The following HELZ variants were observed in gnomAD, a reference collection of about 807,000 sequenced individuals.
The protein encoded by HELZ is ATP-dependent RNA helicase with zinc finger domain.
HELZ carries 23 observed loss-of-function variants against 218.2 expected under a neutral mutation model. The ratio of observed to expected loss-of-function variants is 0.11; its 90% confidence interval spans 0.08 to 0.15. The LOEUF is 0.15. Ranked by LOEUF, HELZ falls within the 10% of genes least tolerant of loss-of-function variation. HELZ has a pLI of 1.00. For missense variants in HELZ, 1,813 were observed against 2,353.7 expected, an observed-to-expected ratio of 0.77 and a Z score of 4.75; for synonymous variants, 814 against 829.4, an observed-to-expected ratio of 0.98 and a Z score of 0.32.
In HELZ at chr17:67,076,510, C is replaced by T. The variant is rs541263371; in HGVS notation, c.*1742G>A. The T allele has an allele frequency of 6.6e-6, 1 of 152,384 alleles. No homozygotes were observed. Among genetic ancestry groups the T allele is most frequent in the South Asian group, 2.1e-4 (1 of 4,832 alleles). The allele number at this position is 152,384 out of a possible 1,614,324, so 9.4% of individuals were successfully genotyped here. A position where few individuals can be genotyped will look rare whatever the true frequency, so the allele number is the denominator to read the frequency against. ...TTACACAGAGACCCACAGCCTGGAA[C>T]GCAAAGCCACACACAAATGAACCGC... On this transcript the variant is annotated 3_prime_UTR_variant, in exon 33 of 33. Transcript: ENST00000358691.
chr17:67,177,885 CTAA>C (rs1254479766), intron 13 of HELZ, among the ~76,000 whole-genome samples: 4 of 152,002 alleles, frequency 2.6e-5, no homozygotes, highest in African/African-American at 9.7e-5. Context: ...ATTAATAATA[CTAA>C]TGATAAGGAA....
At position 67,188,260 on chromosome 17, in the gene HELZ, A is replaced by G. The variant is rs551456961; in HGVS notation, c.1162+59T>C. The G allele has an allele frequency of 2.2e-5, 33 of 1,472,652 alleles. No individual in the cohort carries two copies. In the East Asian group the frequency reaches 4.1e-4, roughly 18 times the overall value. 91.2% of individuals were successfully genotyped at this position (1,472,652 alleles called of 1,614,324 possible). On this transcript the variant is annotated intron_variant, in intron 12 of 32. Transcript: ENST00000358691. This position sits in a 1 kb window ranked among gnomAD's most constrained non-coding sequence, Gnocchi z 4.1. ...ATGGAATATATTCAGGGGCCAATAC[A>G]TATCTTTGAATGTTGCTTTTTAACA...
chr17:67,098,700 C>T (rs1354054019), intron 31 of HELZ, among the ~76,000 whole-genome samples: 2 of 152,226 alleles, frequency 1.3e-5, no homozygotes, highest in South Asian at 2.1e-4. Flanking sequence ...GCCGAGACTG[C>T]ACCACTGCAC....
At chr17:67,238,685 T>TTAA (rs2041249158) in intron 3 of HELZ, among the ~76,000 whole-genome samples, 1 of 152,192 alleles carries the variant, frequency 6.6e-6, no homozygotes, top group South Asian at 2.1e-4. Context: ...AAACTCCGTC[T>TTAA]CAAAAAAATA....
chr17:67,124,048 A>G (rs765200690), intron 24 of HELZ, 34 bp from the exon 25 acceptor site: 2 of 1,362,170 alleles, frequency 1.5e-6, no homozygotes, highest in Admixed American at 1.7e-5. Context: ...TAATAATTTA[A>G]GCATGTTTAG....
In HELZ at chr17:67,167,730, T is replaced by G; in HGVS notation, c.1497A>C (p.Ala499=). 1.2e-6 allele frequency: 2 copies of G among 1,614,172 alleles called. No individual in the cohort carries two copies. The highest frequency in any genetic ancestry group is 1.7e-6 in the Non-Finnish European group (2 of 1,180,016). The change falls in exon 14 of 33, where the codon GCA becomes GCC. Residue 499 remains alanine (A), a synonymous_variant. Transcript: ENST00000358691. ...AAAGTTGTCCATTCTGAGCATACTT[T>G]GCACCTCCAGAAACACCAGTGAGCA... ...SFMLTGVSGG[A]KYAQNGQLFG...
intron 13 of HELZ, among the ~76,000 whole-genome samples, chr17:67,173,876 T>C (rs529039206): frequency 1.3e-5 from 2 of 152,330 alleles, no homozygotes; most frequent in Admixed American, 1.3e-4. Flanking sequence ...ACTAGGCCTG[T>C]CATGCCAGCT....
intron 25 of HELZ, 101 bp from the exon 26 acceptor site, chr17:67,123,261 G>T: frequency 3.1e-6 from 2 of 654,186 alleles, no homozygotes; most frequent in Non-Finnish European, 4.7e-6. Context: ...TCCCAGGTTT[G>T]CCTAAGATAT....
At chr17:67,189,984 G>C (rs2039851997) in intron 10 of HELZ, among the ~76,000 whole-genome samples, 173 bp downstream of exon 10, 1 of 152,142 alleles carries the variant, frequency 6.6e-6, no homozygotes, top group African/African-American at 2.4e-5. Flanking sequence ...GTTTAGTTCT[G>C]CTCTTCATTT....
chr17:67,237,948 A>C (rs554829332), intron 3 of HELZ, among the ~76,000 whole-genome samples: 10 of 150,006 alleles, frequency 6.7e-5, no homozygotes, highest in Admixed American at 5.4e-4. Flanking sequence ...AGATCGCCCC[A>C]TTGCACTCCA....
At chr17:67,147,109 C>T (rs754820975) in intron 20 of HELZ, among the ~76,000 whole-genome samples, 4 of 152,120 alleles carry the variant, frequency 2.6e-5, no homozygotes, top group East Asian at 1.9e-4. Context: ...TAGCCAAAGA[C>T]ATAAGCAAAC....
At position 67,189,847 on chromosome 17, in the gene HELZ, C is replaced by CA. The variant is rs1300739069; in HGVS notation, c.757-152dup. ...ATACCTTCATTTTCAGTAATTTTGA[C>CA]AAGAACAAAATATAGTAAAGCTAAA... On this transcript the variant is annotated intron_variant, in intron 10 of 32. Transcript: ENST00000358691. The CA allele has an allele frequency of 3.1e-5, 19 of 622,354 alleles. No individual in the cohort carries two copies. In the East Asian group the frequency reaches 4.9e-4, roughly 16 times the overall value. The allele number at this position is 622,354 out of a possible 1,614,324, so 38.6% of individuals were successfully genotyped here.
At chr17:67,121,830 T>C (rs968218145) in intron 26 of HELZ, among the ~76,000 whole-genome samples, 3 of 152,236 alleles carry the variant, frequency 2.0e-5, no homozygotes, top group Non-Finnish European at 2.9e-5. Flanking sequence ...TTTCACAAGA[T>C]GTGGAATTTC....
intron 20 of HELZ, among the ~76,000 whole-genome samples, chr17:67,146,118 A>G (rs1453503047): frequency 6.6e-6 from 1 of 152,204 alleles, no homozygotes; most frequent in Non-Finnish European, 1.5e-5. Flanking sequence ...TACGAAGCCA[A>G]AACAGGAAGA....
chr17:67,128,413 C>A, intron 24 of HELZ: 2 of 522,808 alleles, frequency 3.8e-6, no homozygotes, highest in Non-Finnish European at 6.8e-6. Flanking sequence ...TAAATGATAC[C>A]AGAAGTTATC....
At chr17:67,081,993 G>C (rs140382991) in intron 32 of HELZ, among the ~76,000 whole-genome samples, 1,668 of 152,280 alleles carry the variant, frequency 0.011, 20 homozygotes, top group South Asian at 0.018. Flanking sequence ...GGAAGCCATA[G>C]GCCCTGGAGG....
intron 5 of HELZ, among the ~76,000 whole-genome samples, chr17:67,214,259 CTTTTTTTT>C (rs777420102): frequency 8.0e-5 from 7 of 87,740 alleles, no homozygotes; most frequent in African/African-American, 3.3e-4. Context: ...ATTAATATTT[CTTTTTTTT>C]TTTTTTTTTT....
At position 67,135,108 on chromosome 17, in the gene HELZ, G is replaced by A. The variant is rs563839884; in HGVS notation, c.3182+862C>T. ...AGTGTATAAAGAAAGATTTTGGTGTGTAGGTTGATATTTTAACCATATTTA... is the reference window on the plus strand; with the variant it reads ...AGTGTATAAAGAAAGATTTTGGTGTATAGGTTGATATTTTAACCATATTTA... On this transcript the variant is annotated intron_variant, in intron 23 of 32. Transcript: ENST00000358691. Among the ~76,000 whole-genome samples, 8 of 152,046 alleles carry A rather than the reference G, an allele frequency of 5.3e-5. No individual in the cohort carries two copies. The South Asian group carries it at 1.7e-3, about 32-fold the overall frequency.
intron 5 of HELZ, among the ~76,000 whole-genome samples, chr17:67,205,005 C>T (rs2040259518): frequency 6.6e-6 from 1 of 151,992 alleles, no homozygotes; most frequent in African/African-American, 2.4e-5. Flanking sequence ...TATAAATTTG[C>T]CATTAAAGAT....
Sources: allele counts gnomAD v4.1 joint callset (sites outside exome capture counted in the v4.1 genomes callset), GRCh38; gene constraint gnomAD v4.1.1; non-coding constraint Gnocchi (gnomAD v3.1); transcripts MANE v1.5; gene names NCBI Gene and HGNC (gene_info 2026-07-23, HGNC 2026-07-21).